Variants in MYLK4 observed in about 807,000 individuals in gnomAD.
The protein encoded by MYLK4 is caMLCK like.
In MYLK4, 46 loss-of-function variants were observed where a neutral mutation model predicts 48.1. That is an observed-to-expected ratio of 0.96 (90% CI 0.75 to 1.22). The LOEUF (loss-of-function observed/expected upper bound fraction) is 1.22, where lower values mean the gene tolerates loss of function less well. MYLK4 is among the 50% of genes most tolerant of loss of function. MYLK4 has a pLI of 0.00. For synonymous variants in MYLK4, 170 were observed against 180.8 expected (o/e 0.94, Z 0.48); for missense variants, 451 against 486.1 (o/e 0.93, Z 0.68).
intron 2 of MYLK4, among the ~76,000 whole-genome samples, chr6:2,729,105 C>T (rs1418523489): frequency 6.6e-6 from 1 of 152,240 alleles, no homozygotes; most frequent in Non-Finnish European, 1.5e-5. Flanking sequence ...GGTTCCAGCT[C>T]TTTAGCTCAC....
chr6:2,770,137 C>G, the MYLK4 span: 1 of 1,614,234 alleles, frequency 6.2e-7, no homozygotes, highest in Non-Finnish European at 8.5e-7. Flanking sequence ...TCCTTCCTCA[C>G]GTGGAATGTG....
the MYLK4 span, among the ~76,000 whole-genome samples, chr6:2,765,121 G>C: frequency 3.3e-5 from 5 of 151,506 alleles, no homozygotes; most frequent in African/African-American, 1.2e-4. Flanking sequence ...TCGCAGGCCT[G>C]GGCGGAGGGC....
chr6:2,708,651 A>G (rs764913048), intron 2 of MYLK4, among the ~76,000 whole-genome samples: 32 of 152,304 alleles, frequency 2.1e-4, no homozygotes, highest in Non-Finnish European at 4.6e-4. Flanking sequence ...ACCCAGGACT[A>G]TATGTTCTAG....
the MYLK4 span, chr6:2,766,497 A>C: frequency 1.4e-6 from 2 of 1,449,854 alleles, no homozygotes; most frequent in Admixed American, 2.4e-5. Context: ...CGGTGGATGC[A>C]GCTGATGGTC....
intron 2 of MYLK4, among the ~76,000 whole-genome samples, chr6:2,736,390 G>A (rs113848228): frequency 7.9e-5 from 12 of 152,180 alleles, no homozygotes; most frequent in African/African-American, 2.9e-4. Flanking sequence ...AAGTAGCTGG[G>A]ACTACAGGCA....
intron 2 of MYLK4, among the ~76,000 whole-genome samples, chr6:2,745,425 G>A (rs1764051391): frequency 6.6e-6 from 1 of 152,188 alleles, no homozygotes; most frequent in Non-Finnish European, 1.5e-5. Flanking sequence ...TCACTCATAT[G>A]AGTCAGACCA....
At chr6:2,736,261 G>A (rs1358449465) in intron 2 of MYLK4, among the ~76,000 whole-genome samples, 1 of 152,172 alleles carries the variant, frequency 6.6e-6, no homozygotes, top group Non-Finnish European at 1.5e-5. Context: ...TGCTGTTGCT[G>A]TTGTTGTTTT....
At chr6:2,768,578 C>A in the MYLK4 span, 1 of 790,358 alleles carries the variant, frequency 1.3e-6, no homozygotes, top group East Asian at 2.9e-5. Flanking sequence ...AGCATTCTTC[C>A]GAGGTCAAGT....
chr6:2,674,323 A>G (rs1481124217), intron 11 of MYLK4, among the ~76,000 whole-genome samples: 2 of 152,180 alleles, frequency 1.3e-5, no homozygotes, highest in Admixed American at 6.5e-5. Flanking sequence ...TGGTGCCCAG[A>G]GCAGATCAAG....
chr6:2,743,112 A>C (rs1763955030), intron 2 of MYLK4, among the ~76,000 whole-genome samples: 1 of 152,124 alleles, frequency 6.6e-6, no homozygotes, highest in Non-Finnish European at 1.5e-5. Context: ...TAATGGGAGG[A>C]GTCAACTAAG....
At chr6:2,767,029 A>G in the MYLK4 span, among the ~76,000 whole-genome samples, 15 of 152,366 alleles carry the variant, frequency 9.8e-5, no homozygotes, top group African/African-American at 2.9e-4. Context: ...CAAAACTAAC[A>G]TAAAAACTTT....
rs536380016 is a variant in MYLK4, at chr6:2,679,581, C to T, written c.759-173G>A. 7 of 827,268 alleles carry T rather than the reference C, an allele frequency of 8.5e-6. No individual in the cohort carries two copies. In the African/African-American group the frequency reaches 1.0e-4, roughly 12 times the overall value. The allele number at this position is 827,268 out of a possible 1,614,324, so 51.2% of individuals were successfully genotyped here. A position where few individuals can be genotyped will look rare whatever the true frequency, so the allele number is the denominator to read the frequency against. ...AGAGGCTCAAAAACTTGTAAAGAGG[C>T]CCCAGAAAATTTAAAAGTCAAAATT... is the stretch of plus-strand genomic sequence containing the variant. On this transcript the variant is annotated intron_variant, in intron 8 of 12. Coordinates refer to ENST00000274643, the MANE Select transcript of MYLK4 (RefSeq NM_001012418.5).
intron 2 of MYLK4, among the ~76,000 whole-genome samples, chr6:2,703,665 C>CTTTTTTTTTTTTTTTTTT (rs3055234): frequency 1.1e-5 from 1 of 95,120 alleles, no homozygotes; most frequent in African/African-American, 4.1e-5. Context: ...TTTGTGAATT[C>CTTTTTTTTTTTTTTTTTT]TTTTTTTTTT....
intron 2 of MYLK4, among the ~76,000 whole-genome samples, chr6:2,727,255 C>T (rs1477645515): frequency 6.6e-6 from 1 of 152,220 alleles, no homozygotes; most frequent in African/African-American, 2.4e-5. Context: ...CAGCCTTCAA[C>T]ATAAAAACCT....
chr6:2,686,528 G>A (rs1321349944), intron 4 of MYLK4, among the ~76,000 whole-genome samples: 3 of 152,174 alleles, frequency 2.0e-5, no homozygotes, highest in African/African-American at 4.8e-5. Flanking sequence ...AGTAAAATAA[G>A]CTAGAACACG....
chr6:2,715,980 T>C (rs1762850412), intron 2 of MYLK4, among the ~76,000 whole-genome samples: 1 of 151,932 alleles, frequency 6.6e-6, no homozygotes, highest in Non-Finnish European at 1.5e-5. Context: ...GCCCCAGGGA[T>C]TCCAGAACCT....
At chr6:2,688,988 G>T in intron 3 of MYLK4, 32 bp from the exon 4 acceptor site, 1 of 1,582,998 alleles carries the variant, frequency 6.3e-7, no homozygotes, top group Non-Finnish European at 8.7e-7. Flanking sequence ...AGGGCAATCT[G>T]TCAAGAAGTC....
intron 2 of MYLK4, among the ~76,000 whole-genome samples, chr6:2,734,636 A>G (rs1266706567): frequency 2.0e-5 from 3 of 152,148 alleles, no homozygotes; most frequent in Admixed American, 6.5e-5. Context: ...ACACATATAC[A>G]TATTATACAC....
the MYLK4 span, among the ~76,000 whole-genome samples, chr6:2,765,006 T>TC: frequency 4.6e-5 from 7 of 152,018 alleles, no homozygotes; most frequent in Non-Finnish European, 1.0e-4. Flanking sequence ...CTCCTGCTTG[T>TC]CCCCACAGGC....
Sources: gnomAD v4.1 joint callset for allele counts (sites outside exome capture counted in the v4.1 genomes callset) on GRCh38, gnomAD v4.1.1 for gene constraint, MANE v1.5 for transcripts, NCBI Gene and HGNC (gene_info 2026-07-23, HGNC 2026-07-21) for gene names.